TTC39A: variants seen among roughly 807,000 people sequenced by gnomAD.
TTC39A encodes the protein tetratricopeptide repeat protein 39A.
Under a neutral mutation model 82.3 loss-of-function variants are expected in TTC39A, and 46 were observed. That is an observed-to-expected ratio of 0.56 (90% CI 0.44 to 0.71). TTC39A has a LOEUF of 0.71. Ranked by LOEUF, TTC39A falls within the 30% of genes least tolerant of loss-of-function variation. The probability of loss-of-function intolerance (pLI) is 0.00; values close to 1 mark genes in which losing one functional copy is unlikely to be tolerated. For synonymous variants in TTC39A, 254 were observed against 275.2 expected (o/e 0.92, Z 0.76); for missense variants, 543 against 712.9 (o/e 0.76, Z 2.71).
chr1:51,304,754 CAGTA>C, intron 8 of TTC39A, among the ~76,000 whole-genome samples: 1 of 152,168 alleles, frequency 6.6e-6, no homozygotes, highest in South Asian at 2.1e-4. Context: ...TAAAGTGAGG[CAGTA>C]TCTAGGGAGA....
intron 5 of TTC39A, among the ~76,000 whole-genome samples, chr1:51,310,085 T>C (rs1186959966): frequency 1.3e-5 from 2 of 151,698 alleles, no homozygotes; most frequent in African/African-American, 4.8e-5. Context: ...GCCAACGTGG[T>C]GAAACCCCCA....
intron 4 of TTC39A, 92 bp from the exon 5 acceptor site, chr1:51,311,413 A>C: frequency 1.7e-6 from 2 of 1,202,264 alleles, no homozygotes; most frequent in Non-Finnish European, 2.3e-6. Flanking sequence ...CCCAAAAGCA[A>C]AGGGAACCTA....
upstream of TTC39A, chr1:51,330,745 C>T (rs1418667024): frequency 3.6e-6 from 2 of 550,162 alleles, no homozygotes; most frequent in Non-Finnish European, 4.9e-6. The surrounding 1 kb of genome is among the most constrained non-coding windows in gnomAD (Gnocchi z 4.5). Flanking sequence ...GAGAGCCCGG[C>T]GCCCTCTGCG....
Position 51,321,622 on chromosome 1 carries a change from C to T in TTC39A, c.146+99G>A, listed in dbSNP as rs1645521332. On this transcript the variant is annotated intron_variant, in intron 2 of 17. Transcript: ENST00000680483. This position sits in a 1 kb window ranked among gnomAD's most constrained non-coding sequence, Gnocchi z 4.6. ...CAGAGGTCCTGGTGACCCAGAAAGC[C>T]AAAGGCATTTAGTTACACAGGGTTC... 1.7e-6 allele frequency: 2 copies of T among 1,165,690 alleles called. No homozygotes were observed. Among genetic ancestry groups the T allele is most frequent in the African/African-American group, 3.0e-5 (2 of 65,606 alleles). 72.2% of individuals were successfully genotyped at this position (1,165,690 alleles called of 1,614,324 possible).
exon 1 of TTC39A, chr1:51,344,995 G>T (rs1417739103): frequency 1.3e-6 from 2 of 1,524,320 alleles, no homozygotes; most frequent in South Asian, 2.5e-5. Flanking sequence ...CGGTACCTGC[G>T]GTCGCTTTTC....
chr1:51,316,374 C>T (rs774672434), intron 2 of TTC39A, among the ~76,000 whole-genome samples: 3 of 152,188 alleles, frequency 2.0e-5, no homozygotes, highest in Non-Finnish European at 2.9e-5. Context: ...TCATCACTCC[C>T]GCTGCCCATC....
At chr1:51,291,857 CTTTT>C (rs1324019552) in intron 14 of TTC39A, among the ~76,000 whole-genome samples, 1 of 151,504 alleles carries the variant, frequency 6.6e-6, no homozygotes, top group Non-Finnish European at 1.5e-5. Flanking sequence ...CTATTGGTTC[CTTTT>C]GTTTGTTTGT....
At chr1:51,310,061 T>G (rs1312565671) in intron 5 of TTC39A, among the ~76,000 whole-genome samples, 1 of 151,174 alleles carries the variant, frequency 6.6e-6, no homozygotes, top group Non-Finnish European at 1.5e-5. Context: ...GGTCAGGAGT[T>G]TGAGACCAGC....
intron 1 of TTC39A, among the ~76,000 whole-genome samples, chr1:51,328,212 C>A (rs143611693): frequency 1.9e-3 from 289 of 152,088 alleles, no homozygotes; most frequent in Non-Finnish European, 3.5e-3. Context: ...TATTTAAGAT[C>A]GAGTGCACAT....
At chr1:51,317,667 T>G (rs1645339361) in intron 2 of TTC39A, among the ~76,000 whole-genome samples, 1 of 152,074 alleles carries the variant, frequency 6.6e-6, no homozygotes, top group African/African-American at 2.4e-5. Flanking sequence ...GGAGAATCGC[T>G]TGAACCCAGG....
At chr1:51,298,879 A>T (rs1644543539) in intron 12 of TTC39A, 1 of 152,304 alleles carries the variant, frequency 6.6e-6, no homozygotes, top group Admixed American at 6.5e-5. Flanking sequence ...TGGGTTTCCC[A>T]AGCCCTGAGC....
chr1:51,297,851 G>A lies in TTC39A; in HGVS notation c.1054-1681C>T, dbSNP rs1192177177. On this transcript the variant is annotated intron_variant, in intron 12 of 17. Transcript: ENST00000680483. ...ATCTGGTTATATTCCATCACACTCA[G>A]GAGACATCTCCTACAATTTCCTTGA... 5 of 152,548 alleles carry A rather than the reference G, an allele frequency of 3.3e-5. No individual in the cohort carries two copies. In the East Asian group the frequency reaches 9.6e-4, roughly 29 times the overall value. 9.4% of individuals were successfully genotyped at this position (152,548 alleles called of 1,614,324 possible). A position where few individuals can be genotyped will look rare whatever the true frequency, so the allele number is the denominator to read the frequency against.
chr1:51,306,490 C>G (rs955342350), intron 6 of TTC39A, among the ~76,000 whole-genome samples: 1 of 152,192 alleles, frequency 6.6e-6, no homozygotes, highest in African/African-American at 2.4e-5. Flanking sequence ...GTAGCATCGT[C>G]TCCCTAGCTG....
At chr1:51,338,011 T>C (rs1450897389) in intron 1 of TTC39A, among the ~76,000 whole-genome samples, 2 of 152,202 alleles carry the variant, frequency 1.3e-5, no homozygotes, top group Non-Finnish European at 2.9e-5. Context: ...AATTTGTTTT[T>C]GCATTATTGT....
intron 2 of TTC39A, among the ~76,000 whole-genome samples, chr1:51,320,305 G>A (rs1244327883): frequency 6.6e-6 from 1 of 151,888 alleles, no homozygotes; most frequent in Non-Finnish European, 1.5e-5. Flanking sequence ...AACTCTAGAA[G>A]GAAATAGTCT....
chr1:51,335,611 C>A (rs1338182554), upstream of TTC39A, among the ~76,000 whole-genome samples: 2 of 150,776 alleles, frequency 1.3e-5, no homozygotes, highest in Admixed American at 1.3e-4. Context: ...ATTAAGTGAG[C>A]CCTTAGAATG....
chr1:51,301,719 G>C lies in TTC39A; in HGVS notation c.906C>G (p.Phe302Leu), dbSNP rs771183906. ...KGNIDAAIRR[F>L]EECCEAQQHW... ...GCTGCTGGGCCTCACAGCACTCCTC[G>C]AAACGCCGGATGGCCTGCAGGCACC... Residue 302 changes from phenylalanine (F) to leucine (L), a missense_variant, in exon 12 of 18, where the codon TTC becomes TTG. Physicochemically the swap from Phe to Leu is conservative, Grantham distance 22. Coordinates refer to ENST00000680483, the MANE Select transcript of TTC39A (RefSeq NM_001297663.2). 6.2e-7 allele frequency: 1 copy of C among 1,606,784 alleles called. No homozygotes were observed. Among genetic ancestry groups the C allele is most frequent in the East Asian group, 2.2e-5 (1 of 44,642 alleles).
At chr1:51,331,793 C>T (rs1645915685), upstream of TTC39A, 1 of 985,322 alleles carries the variant, frequency 1.0e-6, no homozygotes, top group Non-Finnish European at 1.2e-6. Flanking sequence ...ATGACATCCA[C>T]CAGCAACTAT....
In TTC39A at chr1:51,287,648, G is replaced by A. The variant is rs748519078; in HGVS notation, c.*509C>T. ...CCCAACCCCAGAAGCATTGAAGCCTGAGGCTTAGCCTCTCCCAGGCATTCC... is the reference window on the plus strand; with the variant it reads ...CCCAACCCCAGAAGCATTGAAGCCTAAGGCTTAGCCTCTCCCAGGCATTCC... On this transcript the variant is annotated 3_prime_UTR_variant, in exon 18 of 18. Transcript: ENST00000680483. 21 of 157,006 alleles carry A rather than the reference G, an allele frequency of 1.3e-4. No homozygotes were observed. The South Asian group carries it at 3.9e-3, about 29-fold the overall frequency. 9.7% of individuals were successfully genotyped at this position (157,006 alleles called of 1,614,324 possible).
Sources: gnomAD v4.1 joint callset for allele counts (sites outside exome capture counted in the v4.1 genomes callset) on GRCh38, gnomAD v4.1.1 for gene constraint, Gnocchi (gnomAD v3.1) non-coding constraint, MANE v1.5 for transcripts, NCBI Gene and HGNC (gene_info 2026-07-23, HGNC 2026-07-21) for gene names.